OR8B2: variants seen among roughly 807,000 people sequenced by gnomAD.
The protein encoded by OR8B2 is olfactory receptor family 8 subfamily B member 2, also known as olfactory receptor 8B2.
For synonymous variants in OR8B2, 98 were observed against 138.2 expected, an observed-to-expected ratio of 0.71 and a Z score of 2.04; for missense variants, 304 against 379.6, an observed-to-expected ratio of 0.80 and a Z score of 1.65.
chr11:124,386,890 C>T (rs1203458270), upstream of OR8B2, among the ~76,000 whole-genome samples: 1 of 121,636 alleles, frequency 8.2e-6, no homozygotes, highest in African/African-American at 4.3e-5. Context: ...TGAAAGTGTT[C>T]CTATTTCTCC....
chr11:124,396,988 G>T, the OR8B2 span: 1 of 1,613,594 alleles, frequency 6.2e-7, no homozygotes, highest in Non-Finnish European at 8.5e-7. Flanking sequence ...GCCACATAGC[G>T]ATCATATGCC....
the OR8B2 span, among the ~76,000 whole-genome samples, chr11:124,394,299 A>G: frequency 6.6e-6 from 1 of 151,898 alleles, no homozygotes; most frequent in Admixed American, 6.6e-5. Context: ...AAATAAAATC[A>G]GCTAATATAA....
chr11:124,393,243 G>C, the OR8B2 span, among the ~76,000 whole-genome samples: 3,097 of 144,756 alleles, frequency 0.021, 266 homozygotes, highest in African/African-American at 0.08. Flanking sequence ...GCAATGGCAA[G>C]AAAAGCCAAA....
In OR8B2 at chr11:124,382,405, G is replaced by C. The variant is rs1323506354; in HGVS notation, c.939C>G (p.Phe313Leu). 5 of 1,596,334 alleles carry C rather than the reference G, an allele frequency of 3.1e-6. No individual in the cohort carries two copies. Among genetic ancestry groups the C allele is most frequent in the Non-Finnish European group, 2.6e-6 (3 of 1,174,034 alleles). The change falls in exon 2 of 2, where the codon TTC becomes TTG. Residue 313 changes from phenylalanine to leucine, a missense_variant. Transcript: ENST00000641451. ...ALIKIQRRNI[F>L] ...TTTACATCATTACTGCTTCTAATTA[G>C]AATATATTTCTCCTCTGAATTTTAA...
At chr11:124,394,352 G>C in the OR8B2 span, among the ~76,000 whole-genome samples, 1 of 152,028 alleles carries the variant, frequency 6.6e-6, no homozygotes, top group African/African-American at 2.4e-5. Context: ...GAGATGTCAA[G>C]AAATAGACTT....
At position 124,383,057 on chromosome 11, in the gene OR8B2, C is replaced by T. The variant is rs1315792310; in HGVS notation, c.287G>A (p.Gly96Glu). ...AAAGAAAAACAGCCGAGTCATGCAC[C>T]CAACATTGGAGATAATATTCTTTTT... ...VSKKNIISNV[G>E]CMTRLFFFLF... The change falls in exon 2 of 2, where the codon GGG (glycine) becomes GAG (glutamate). Residue 96 changes from glycine to glutamate, a missense_variant. By Grantham distance (98) the Gly-to-Glu change is moderately conservative. Coordinates refer to ENST00000641451, the MANE Select transcript of OR8B2 (RefSeq NM_001005468.2). The T allele has an allele frequency of 1.2e-6, 2 of 1,613,828 alleles. No individual in the cohort carries two copies. Among genetic ancestry groups the T allele is most frequent in the Admixed American group, 3.3e-5 (2 of 59,956 alleles).
upstream of OR8B2, among the ~76,000 whole-genome samples, chr11:124,387,296 C>A (rs1860718202): frequency 6.6e-6 from 1 of 152,226 alleles, no homozygotes; most frequent in Admixed American, 6.5e-5. Flanking sequence ...GCTTTTCTTG[C>A]CATTGCTTTT....
At chr11:124,388,924 C>G (rs1043383219), upstream of OR8B2, among the ~76,000 whole-genome samples, 1 of 149,866 alleles carries the variant, frequency 6.7e-6, no homozygotes, top group Non-Finnish European at 1.5e-5. Context: ...CTCCTGGGTT[C>G]AAGTGATTCT....
At chr11:124,383,956 A>G (rs1441525136) in intron 1 of OR8B2, among the ~76,000 whole-genome samples, 6 of 152,192 alleles carry the variant, frequency 3.9e-5, no homozygotes, top group Non-Finnish European at 8.8e-5. Context: ...CATCCTAGCT[A>G]GACAGAGGAT....
upstream of OR8B2, among the ~76,000 whole-genome samples, chr11:124,389,015 G>T (rs1049212910): frequency 6.6e-6 from 1 of 151,696 alleles, no homozygotes; most frequent in African/African-American, 2.4e-5. Flanking sequence ...TAGTAGAGAC[G>T]GGGTTTCACC....
At chr11:124,396,211 G>T in the OR8B2 span, 1 of 552,256 alleles carries the variant, frequency 1.8e-6, no homozygotes, top group Non-Finnish European at 3.2e-6. Context: ...AAGATGCCAT[G>T]ACCTATTTAG....
chr11:124,383,195 C>G lies in OR8B2; in HGVS notation c.149G>C (p.Gly50Ala). 6.2e-7 allele frequency: 1 copy of G among 1,613,870 alleles called. No individual in the cohort carries two copies. The highest frequency in any genetic ancestry group is 8.5e-7 in the Non-Finnish European group (1 of 1,179,834). Reference sequence around the variant, plus strand: ...TGGTGTGTGGAGGTGAGAATTTAGACCGAAAAGAGTGATCAAGCCAAGGTT... The same window carrying G: ...TGGTGTGTGGAGGTGAGAATTTAGAGCGAAAAGAGTGATCAAGCCAAGGTT... ...VGNLGLITLF[G>A]LNSHLHTPMY... The change falls in exon 2 of 2, where the codon GGT becomes GCT. Residue 50 changes from glycine (G) to alanine (A), a missense_variant. Physicochemically the swap from Gly to Ala is moderately conservative, Grantham distance 60. Coordinates refer to ENST00000641451, the MANE Select transcript of OR8B2 (RefSeq NM_001005468.2).
chr11:124,396,268 A>G, the OR8B2 span: 3 of 832,766 alleles, frequency 3.6e-6, no homozygotes, highest in Non-Finnish European at 1.8e-6. Context: ...AAAAGAGACA[A>G]GATGATTTCA....
chr11:124,393,717 A>G, the OR8B2 span, among the ~76,000 whole-genome samples: 1 of 152,152 alleles, frequency 6.6e-6, no homozygotes, highest in African/African-American at 2.4e-5. Context: ...GGGATCTAGA[A>G]CTAGAAATAC....
At chr11:124,389,398 T>C (rs1860749350), upstream of OR8B2, among the ~76,000 whole-genome samples, 1 of 152,196 alleles carries the variant, frequency 6.6e-6, no homozygotes, top group Admixed American at 6.6e-5. Flanking sequence ...ATTTAAGTGA[T>C]AGGAATAAGA....
chr11:124,382,700 A>G lies in OR8B2; in HGVS notation c.644T>C (p.Leu215Pro), dbSNP rs1158111370. 1 of 1,613,776 alleles carries G rather than the reference A, an allele frequency of 6.2e-7. No individual in the cohort carries two copies. The highest frequency in any genetic ancestry group is 2.2e-5 in the East Asian group (1 of 44,896). ...AGTGACAATGAAAACATAAGAAATG[A>G]GGATGGTACAACTGGGTACCGTGAT... ...TNITVPSCTI[L>P]ISYVFIVTSI... The change falls in exon 2 of 2, where the codon CTC becomes CCC. Residue 215 changes from leucine (L) to proline (P), a missense_variant. Coordinates refer to ENST00000641451, the MANE Select transcript of OR8B2 (RefSeq NM_001005468.2).
At chr11:124,396,714 G>T in the OR8B2 span, 4 of 1,613,874 alleles carry the variant, frequency 2.5e-6, no homozygotes, top group South Asian at 4.4e-5. Flanking sequence ...AATGAGGATG[G>T]TACAACTGGG....
the OR8B2 span, chr11:124,396,786 C>G: frequency 6.2e-7 from 1 of 1,613,012 alleles, no homozygotes; most frequent in Non-Finnish European, 8.5e-7. Context: ...GGTGCTGGTG[C>G]AGGAAAGCTG....
At chr11:124,393,228 C>T in the OR8B2 span, among the ~76,000 whole-genome samples, 4 of 145,732 alleles carry the variant, frequency 2.7e-5, no homozygotes, top group Non-Finnish European at 5.9e-5. Flanking sequence ...TCTAAAACAC[C>T]AAAAGCAATG....
Sources: allele counts gnomAD v4.1 joint callset (sites outside exome capture counted in the v4.1 genomes callset), GRCh38; gene constraint gnomAD v4.1.1; transcripts MANE v1.5; gene names NCBI Gene and HGNC (gene_info 2026-07-23, HGNC 2026-07-21).